Variants in CNOT2 observed in about 807,000 individuals in gnomAD.
CNOT2 encodes CCR4-NOT transcription complex subunit 2, also known as CC chemokine receptor 4-negative regulator of transcription 2.
Under a neutral mutation model 72.1 loss-of-function variants are expected in CNOT2, and 7 were observed. That is an observed-to-expected ratio of 0.10 (90% confidence interval 0.06 to 0.18). The LOEUF (loss-of-function observed/expected upper bound fraction) is 0.18, where lower values mean the gene tolerates loss of function less well. Among genes scored for constraint, CNOT2 ranks in the 10% least tolerant of loss-of-function variants. CNOT2 has a pLI of 1.00. For missense variants in CNOT2, 345 were observed against 660.3 expected, an observed-to-expected ratio of 0.52 and a Z score of 5.23; for synonymous variants, 196 against 225.6, an observed-to-expected ratio of 0.87 and a Z score of 1.17.
At chr12:70,275,598 CAT>C (rs1297044010) in intron 1 of CNOT2, among the ~76,000 whole-genome samples, 1 of 152,046 alleles carries the variant, frequency 6.6e-6, no homozygotes, top group Non-Finnish European at 1.5e-5. Context: ...GAAGGGTAAA[CAT>C]AGCCTCCTTT....
chr12:70,313,818 C>A (rs370804532), intron 3 of CNOT2, among the ~76,000 whole-genome samples: 10 of 152,202 alleles, frequency 6.6e-5, no homozygotes, highest in Non-Finnish European at 4.4e-5. Flanking sequence ...AATTTGCCCA[C>A]CCCTGGGTTA....
At chr12:70,353,712 G>C in intron 15 of CNOT2, 117 bp from the exon 16 acceptor site, 1 of 1,466,316 alleles carries the variant, frequency 6.8e-7, no homozygotes. Context: ...TGGTATATCT[G>C]TGTTGATGTT....
chr12:70,340,080 C>CT (rs1394534183), intron 11 of CNOT2, among the ~76,000 whole-genome samples: 1 of 152,162 alleles, frequency 6.6e-6, no homozygotes, highest in Non-Finnish European at 1.5e-5. Flanking sequence ...TGAAGCGAAA[C>CT]TTTTCAAAGA....
chr12:70,286,220 GTCT>G (rs139687092), intron 2 of CNOT2, among the ~76,000 whole-genome samples: 63 of 149,194 alleles, frequency 4.2e-4, no homozygotes, highest in African/African-American at 1.5e-3. Context: ...TTCCTAAGAG[GTCT>G]TCTAGGAATG....
intron 2 of CNOT2, among the ~76,000 whole-genome samples, chr12:70,306,180 T>A (rs903678146): frequency 6.6e-6 from 1 of 152,184 alleles, no homozygotes; most frequent in Non-Finnish European, 1.5e-5. Flanking sequence ...TAAGACGTAG[T>A]CTCGTGGTGT....
chr12:70,318,726 GGA>G (rs1565807012), intron 3 of CNOT2, among the ~76,000 whole-genome samples: 1 of 151,688 alleles, frequency 6.6e-6, no homozygotes, highest in African/African-American at 2.4e-5. Flanking sequence ...TATTTAATTA[GGA>G]TGTTTTGATG....
At chr12:70,320,669 G>A (rs1196692982) in intron 4 of CNOT2, among the ~76,000 whole-genome samples, 2 of 151,690 alleles carry the variant, frequency 1.3e-5, no homozygotes, top group Non-Finnish European at 3.0e-5. Context: ...CCTTACTATA[G>A]AAATATCTAG....
At chr12:70,333,573 A>G (rs1880261394) in intron 7 of CNOT2, among the ~76,000 whole-genome samples, 1 of 151,926 alleles carries the variant, frequency 6.6e-6, no homozygotes, top group Non-Finnish European at 1.5e-5. Flanking sequence ...ATTATTGGAG[A>G]GGATTAAATG....
chr12:70,305,428 A>G (rs1477468126), intron 2 of CNOT2, among the ~76,000 whole-genome samples: 9 of 152,188 alleles, frequency 5.9e-5, no homozygotes, highest in African/African-American at 2.2e-4. Flanking sequence ...TTACAGTTCA[A>G]GGTGATATTT....
rs1204112946 is a variant in CNOT2 at position 70,353,840 on chromosome 12, G to A, written c.1548G>A (p.Leu516=). The change falls in exon 16 of 16, where the codon CTG becomes CTA. Residue 516 remains leucine (L), a synonymous_variant. Coordinates refer to ENST00000229195, the MANE Select transcript of CNOT2 (RefSeq NM_014515.7). The stretch of plus-strand genomic sequence containing the variant: ...ATTTGTTTTTATAGGAGTTCCATCT[G>A]GAATATGACAAATTAGAAGAACGGC... ...NWRKVAKEFH[L]EYDKLEERPH... is the part of the protein sequence containing the mutation. 6.3e-7 allele frequency: 1 copy of A among 1,598,474 alleles called. No homozygotes were observed. The highest frequency in any genetic ancestry group is 1.4e-5 in the African/African-American group (1 of 73,062).
intron 2 of CNOT2, among the ~76,000 whole-genome samples, chr12:70,307,057 T>C (rs1296153163): frequency 6.6e-6 from 1 of 152,190 alleles, no homozygotes. Flanking sequence ...GCACTTATCA[T>C]AAACGGAGCT....
In CNOT2 at chr12:70,338,813, A is replaced by G; in HGVS notation, c.1169A>G (p.Asn390Ser). 6.2e-7 allele frequency: 1 copy of G among 1,612,444 alleles called. No individual in the cohort carries two copies. The highest frequency in any genetic ancestry group is 8.5e-7 in the Non-Finnish European group (1 of 1,179,274). ...TTAACAACATTAGGCCTCAATCTGA[A>G]CTCTCCTGAGTAAGTTTTTTCTGTT... ...SDLTTLGLNL[N>S]SPENLYPKFA... The change falls in exon 11 of 16, where the codon AAC becomes AGC. Residue 390 changes from asparagine (N) to serine (S), a missense_variant. Transcript: ENST00000229195.
intron 11 of CNOT2, among the ~76,000 whole-genome samples, chr12:70,340,964 C>T (rs1023162786): frequency 3.6e-5 from 5 of 140,364 alleles, no homozygotes; most frequent in Admixed American, 7.6e-5. Context: ...GATGCAATCT[C>T]GGGTCATTAC....
intron 1 of CNOT2, among the ~76,000 whole-genome samples, chr12:70,256,626 A>G (rs190511965): frequency 2.6e-3 from 392 of 150,530 alleles, no homozygotes; most frequent in Middle Eastern, 3.6e-3. Flanking sequence ...TATACTTATT[A>G]CAGAAAAAGT....
intron 2 of CNOT2, among the ~76,000 whole-genome samples, chr12:70,292,482 A>G (rs577629441): frequency 2.5e-4 from 38 of 152,344 alleles, no homozygotes; most frequent in African/African-American, 8.9e-4. Flanking sequence ...TGAAGTAGGA[A>G]GCCATCTGGA....
At chr12:70,330,630 C>T (rs80215627) in intron 6 of CNOT2, 161 bp downstream of exon 6, 30,719 of 445,296 alleles carry the variant, frequency 0.069, 1,546 homozygotes, top group East Asian at 0.18. Context: ...CAAAACGATA[C>T]GTTTTCTTGA....
Position 70,338,580 on chromosome 12 carries a change from CTA to C in CNOT2, c.1021+19_1021+20del, listed in dbSNP as rs2136054079. 1 of 1,603,244 alleles carries C rather than the reference CTA, an allele frequency of 6.2e-7. No individual in the cohort carries two copies. Among genetic ancestry groups the C allele is most frequent in the East Asian group, 2.2e-5 (1 of 44,794 alleles). ...TACCTGATGGTGGGACTCTAGAAAT[CTA>C]TGTCAAAGATATTATAGAATGCTTT... On this transcript the variant is annotated intron_variant, in intron 10 of 15. Transcript: ENST00000229195.
intron 2 of CNOT2, among the ~76,000 whole-genome samples, chr12:70,309,168 G>C (rs1876017152): frequency 6.6e-6 from 1 of 152,096 alleles, no homozygotes; most frequent in Admixed American, 6.5e-5. Context: ...ATCCTGGTCT[G>C]AAATAACAGA....
intron 4 of CNOT2, among the ~76,000 whole-genome samples, chr12:70,326,454 C>CTT (rs3837458): frequency 0.035 from 5,188 of 148,738 alleles, 200 homozygotes; most frequent in African/African-American, 0.088. Flanking sequence ...TCCCATTTTT[C>CTT]TTTTTTTTTC....
Sources: allele counts gnomAD v4.1 joint callset (sites outside exome capture counted in the v4.1 genomes callset), GRCh38; gene constraint gnomAD v4.1.1; transcripts MANE v1.5; gene names NCBI Gene and HGNC (gene_info 2026-07-23, HGNC 2026-07-21).